UNC80: variants seen among roughly 807,000 people sequenced by gnomAD.
UNC80 encodes protein unc-80 homolog.
A neutral mutation model predicts 384.6 loss-of-function variants in UNC80; 164 were observed. The observed-to-expected ratio is 0.43, with a 90% CI of 0.38 to 0.49. UNC80 has a LOEUF of 0.49. UNC80 is among the 20% of genes least tolerant of loss of function. The pLI, the probability that UNC80 is intolerant of heterozygous loss-of-function variation, is 0.00. For missense variants in UNC80, 3,330 were observed against 4,143.0 expected (o/e 0.80, Z 5.39); for synonymous variants, 1,486 against 1,527.8 (o/e 0.97, Z 0.64).
At chr2:209,886,181 A>G (rs1167697636) in intron 25 of UNC80, among the ~76,000 whole-genome samples, 1 of 151,740 alleles carries the variant, frequency 6.6e-6, no homozygotes, top group Non-Finnish European at 1.5e-5. Flanking sequence ...ATTTGAATCT[A>G]AGGGTTTATT....
Position 209,926,995 on chromosome 2 carries a change from T to C in UNC80, c.5806+9T>C. ...GGAAGATGGAGTAGCAGGTACAGTT[T>C]TGAACAGTCAGATCATCAGTGACAT... On this transcript the variant is annotated intron_variant, in intron 36 of 64. Coordinates refer to ENST00000673920, the MANE Select transcript of UNC80 (RefSeq NM_001371986.1). 6.4e-7 allele frequency: 1 copy of C among 1,551,392 alleles called. No individual in the cohort carries two copies. Among genetic ancestry groups the C allele is most frequent in the Non-Finnish European group, 8.7e-7 (1 of 1,146,776 alleles).
chr2:209,926,215 T>A (rs1305621723), intron 35 of UNC80, among the ~76,000 whole-genome samples: 1 of 152,216 alleles, frequency 6.6e-6, no homozygotes, highest in Non-Finnish European at 1.5e-5. Context: ...CAGTTGCATC[T>A]ATGAAAAATG....
chr2:209,988,952 T>C (rs957193064), intron 61 of UNC80, among the ~76,000 whole-genome samples: 23 of 152,286 alleles, frequency 1.5e-4, no homozygotes, highest in African/African-American at 5.5e-4. Context: ...TATATCCTTA[T>C]TGTTCCACCT....
chr2:209,965,278 A>G (rs575699217), intron 51 of UNC80, among the ~76,000 whole-genome samples: 102 of 152,026 alleles, frequency 6.7e-4, no homozygotes, highest in Non-Finnish European at 1.2e-3. Flanking sequence ...CTCTACAAAA[A>G]CTACAAAAAT....
At chr2:209,994,815 A>G (rs1436414673) in intron 64 of UNC80, among the ~76,000 whole-genome samples, 2 of 152,216 alleles carry the variant, frequency 1.3e-5, no homozygotes, top group Admixed American at 1.3e-4. Context: ...TTAAGTTACC[A>G]GTTTAGATAA....
intron 22 of UNC80, among the ~76,000 whole-genome samples, chr2:209,863,944 G>A (rs1461525154): frequency 2.0e-5 from 3 of 151,868 alleles, no homozygotes; most frequent in South Asian, 2.1e-4. Context: ...GCATTTTTTC[G>A]TTGATTCTTT....
intron 29 of UNC80, among the ~76,000 whole-genome samples, chr2:209,907,527 T>G (rs1192212659): frequency 6.6e-6 from 1 of 152,016 alleles, no homozygotes; most frequent in Non-Finnish European, 1.5e-5. Flanking sequence ...AACTAAAGGA[T>G]GCATAGATGT....
chr2:209,894,925 A>C lies in UNC80; in HGVS notation c.4480+559A>C, dbSNP rs1385399111. Among the ~76,000 whole-genome samples the C allele has an allele frequency of 1.4e-4, 21 of 152,194 alleles. 1 individual carries two copies. Among genetic ancestry groups the C allele is most frequent in the Admixed American group, 1.1e-3 (17 of 15,274 alleles). On this transcript the variant is annotated intron_variant, in intron 27 of 64. Coordinates refer to ENST00000673920, the MANE Select transcript of UNC80 (RefSeq NM_001371986.1). Reference sequence around the variant, plus strand: ...CTAGACCTGACAATGAGTGATCTTCAACAAGTCATTTAGGTTCTCAGGGAT... The same window carrying C: ...CTAGACCTGACAATGAGTGATCTTCCACAAGTCATTTAGGTTCTCAGGGAT...
chr2:209,868,035 T>C (rs1259248063), intron 22 of UNC80, among the ~76,000 whole-genome samples: 1 of 152,198 alleles, frequency 6.6e-6, no homozygotes, highest in Admixed American at 6.6e-5. Flanking sequence ...ACCTGTAATG[T>C]TGGTCTTCAG....
At chr2:209,914,091 T>C (rs1424421886) in intron 31 of UNC80, among the ~76,000 whole-genome samples, 151 bp downstream of exon 31, 1 of 152,244 alleles carries the variant, frequency 6.6e-6, no homozygotes, top group African/African-American at 2.4e-5. Flanking sequence ...CTGTGTGCTA[T>C]AGGAAGGTAG....
chr2:209,875,287 C>T (rs2084676830), intron 23 of UNC80, among the ~76,000 whole-genome samples: 1 of 152,192 alleles, frequency 6.6e-6, no homozygotes, highest in Non-Finnish European at 1.5e-5. Flanking sequence ...CCTTTTCCCT[C>T]AGGATAAAAC....
At chr2:209,945,498 C>T (rs2091871774) in intron 46 of UNC80, among the ~76,000 whole-genome samples, 1 of 152,138 alleles carries the variant, frequency 6.6e-6, no homozygotes. Context: ...AAGTGAATAA[C>T]TCTCCAAAAT....
At chr2:209,817,688 T>A (rs1446548585) in intron 10 of UNC80, 124 bp from the exon 11 acceptor site, 3 of 1,212,108 alleles carry the variant, frequency 2.5e-6, no homozygotes, top group Admixed American at 2.6e-5. Flanking sequence ...GCTTTTTTTG[T>A]CTGTGTTTCA....
At position 209,976,102 on chromosome 2, in the gene UNC80, C is replaced by G. The variant is rs761381204; in HGVS notation, c.8588-17C>G. Reference sequence around the variant, plus strand: ...CACACGTCCGCAGGCTCATTTTTCTCTTTTCCCGGTGTGAAGCGCTGAAGG... The same window carrying G: ...CACACGTCCGCAGGCTCATTTTTCTGTTTTCCCGGTGTGAAGCGCTGAAGG... On this transcript the variant is annotated splice_polypyrimidine_tract_variant and intron_variant, in intron 56 of 64. Transcript: ENST00000673920. This position sits in a 1 kb window ranked among gnomAD's most constrained non-coding sequence, Gnocchi z 4.3. 3 of 1,540,832 alleles carry G rather than the reference C, an allele frequency of 1.9e-6. No individual in the cohort carries two copies. In the African/African-American group the frequency reaches 4.2e-5, roughly 21 times the overall value.
chr2:209,822,836 A>G (rs1242790817), intron 13 of UNC80, among the ~76,000 whole-genome samples: 1 of 152,150 alleles, frequency 6.6e-6, no homozygotes, highest in African/African-American at 2.4e-5. Context: ...TTTTGACCAG[A>G]GTTATCACTT....
At chr2:209,908,050 C>T (rs529827217) in intron 29 of UNC80, among the ~76,000 whole-genome samples, 2 of 152,334 alleles carry the variant, frequency 1.3e-5, no homozygotes, top group South Asian at 4.1e-4. Flanking sequence ...CTGTGATAAA[C>T]ATTTTATTTG....
chr2:209,977,139 A>G, intron 58 of UNC80, 61 bp downstream of exon 58: 1 of 1,418,506 alleles, frequency 7.0e-7, no homozygotes, highest in Non-Finnish European at 9.4e-7. Context: ...GCCTACAAAG[A>G]ATCCCTCTGT....
At chr2:209,920,824 GTTC>G (rs1241892631) in intron 33 of UNC80, among the ~76,000 whole-genome samples, 3 of 150,606 alleles carry the variant, frequency 2.0e-5, no homozygotes, top group South Asian at 2.1e-4. Flanking sequence ...TGAAATAAAT[GTTC>G]TTCTTTTTTT....
intron 28 of UNC80, among the ~76,000 whole-genome samples, chr2:209,899,447 A>G (rs887643306): frequency 2.0e-5 from 3 of 152,108 alleles, no homozygotes; most frequent in Non-Finnish European, 2.9e-5. Context: ...TTTCTGCTCA[A>G]TTGTAATGTG....
Sources: gnomAD v4.1 joint callset for allele counts (sites outside exome capture counted in the v4.1 genomes callset) on GRCh38, gnomAD v4.1.1 for gene constraint, Gnocchi (gnomAD v3.1) non-coding constraint, MANE v1.5 for transcripts, NCBI Gene and HGNC (gene_info 2026-07-23, HGNC 2026-07-21) for gene names.